Variants in GALNTL6 observed in about 807,000 individuals in gnomAD.
GALNTL6 encodes the protein polypeptide N-acetylgalactosaminyltransferase like 6, also known as polypeptide N-acetylgalactosaminyltransferase-like 6.
A neutral mutation model predicts 73.7 loss-of-function variants in GALNTL6; 46 were observed. That is an observed-to-expected ratio of 0.62 (90% confidence interval 0.49 to 0.80). GALNTL6 has a LOEUF of 0.80. Among genes scored for constraint, GALNTL6 ranks in the 30% least tolerant of loss-of-function variants. The pLI, the probability that GALNTL6 is intolerant of heterozygous loss-of-function variation, is 0.00. For synonymous variants in GALNTL6, 259 were observed against 263.7 expected, an observed-to-expected ratio of 0.98 and a Z score of 0.17; for missense variants, 604 against 755.0, an observed-to-expected ratio of 0.80 and a Z score of 2.34.
Position 171,817,357 on chromosome 4 carries a change from T to G in GALNTL6, c.138+2639T>G, listed in dbSNP as rs187529159. ...AAAGGTTACAGGGAAATAATTTAAT[T>G]TATGGAAATTCAAAATTATGGAATG... On this transcript the variant is annotated intron_variant, in intron 2 of 12. Transcript: ENST00000506823. Among the ~76,000 whole-genome samples, 343 of 152,050 alleles carry G rather than the reference T, an allele frequency of 2.3e-3. 3 individuals carry two copies. The highest frequency in any genetic ancestry group is 4.9e-4 in the Non-Finnish European group (33 of 67,864).
intron 10 of GALNTL6, among the ~76,000 whole-genome samples, chr4:172,974,794 C>T (rs1750732584): frequency 6.6e-6 from 1 of 152,210 alleles, no homozygotes; most frequent in Non-Finnish European, 1.5e-5. Context: ...GCCAGGCATG[C>T]CGGCTGCAGC....
chr4:172,878,794 T>G (rs1361849771), intron 7 of GALNTL6, among the ~76,000 whole-genome samples: 12 of 151,806 alleles, frequency 7.9e-5, no homozygotes, highest in Admixed American at 7.9e-4. Flanking sequence ...ATAATCATAT[T>G]GAAAGTAAGT....
intron 5 of GALNTL6, among the ~76,000 whole-genome samples, chr4:172,484,715 T>A (rs1262568041): frequency 6.6e-6 from 1 of 152,168 alleles, no homozygotes; most frequent in East Asian, 1.9e-4. Flanking sequence ...GGTTTATTAG[T>A]GATTAAATAT....
intron 5 of GALNTL6, among the ~76,000 whole-genome samples, chr4:172,387,824 T>C (rs1015740128): frequency 2.6e-4 from 39 of 152,160 alleles, no homozygotes; most frequent in African/African-American, 9.2e-4. Flanking sequence ...TTACTGAACA[T>C]TGTTTTAACT....
chr4:172,451,575 C>T (rs1017407982), intron 5 of GALNTL6, among the ~76,000 whole-genome samples: 3 of 152,098 alleles, frequency 2.0e-5, no homozygotes, highest in Non-Finnish European at 4.4e-5. Context: ...ACTTCTTCAG[C>T]TTATACAGAT....
chr4:172,054,172 T>C (rs1730955720), intron 2 of GALNTL6, among the ~76,000 whole-genome samples: 2 of 151,478 alleles, frequency 1.3e-5, no homozygotes, highest in Non-Finnish European at 3.0e-5. Flanking sequence ...TTAATTTTTC[T>C]ATTAATATTA....
chr4:171,836,435 T>TA (rs1405946024), intron 2 of GALNTL6, among the ~76,000 whole-genome samples: 1 of 151,956 alleles, frequency 6.6e-6, no homozygotes, highest in African/African-American at 2.4e-5. Context: ...CTTTAGACAA[T>TA]AAAAAGATAT....
At position 172,206,808 on chromosome 4, in the gene GALNTL6, TTTTTTGTTTG is replaced by T. The variant is rs1471943694; in HGVS notation, c.139-22842_139-22833del. The stretch of plus-strand genomic sequence containing the variant: ...TTTTGTTTTGTTTTGTTTTTCTGTT[TTTTTTGTTTG>T]TTTTTTTTTTTTTTTTTGAGACGGA... On this transcript the variant is annotated intron_variant, in intron 2 of 12. Coordinates refer to ENST00000506823, the MANE Select transcript of GALNTL6 (RefSeq NM_001034845.3). 4.0e-3 allele frequency among the ~76,000 whole-genome samples: 150 copies of T among 37,210 alleles called. 13 individuals carry two copies. Among genetic ancestry groups the T allele is most frequent in the African/African-American group, 9.6e-3 (142 of 14,794 alleles). 24.4% of individuals were successfully genotyped at this position (37,210 alleles called of 152,430 possible).
chr4:172,795,494 A>G (rs1740213731), intron 5 of GALNTL6, among the ~76,000 whole-genome samples: 1 of 152,190 alleles, frequency 6.6e-6, no homozygotes, highest in South Asian at 2.1e-4. Context: ...TCTGACTTCC[A>G]TAGCAAATGA....
intron 9 of GALNTL6, among the ~76,000 whole-genome samples, chr4:172,937,267 T>C (rs1013338083): frequency 6.6e-6 from 1 of 152,146 alleles, no homozygotes; most frequent in African/African-American, 2.4e-5. Flanking sequence ...AAATTAACAT[T>C]TCGAATGCAA....
At chr4:172,535,032 A>G (rs2110857298) in intron 5 of GALNTL6, among the ~76,000 whole-genome samples, 1 of 152,352 alleles carries the variant, frequency 6.6e-6, no homozygotes, top group Non-Finnish European at 1.5e-5. Context: ...TTTAGAAGAC[A>G]AGAGCTAAAC....
chr4:172,849,669 AT>A (rs1743710382), intron 7 of GALNTL6, among the ~76,000 whole-genome samples: 2 of 152,202 alleles, frequency 1.3e-5, no homozygotes, highest in South Asian at 4.1e-4. Flanking sequence ...TTTCCCCCAA[AT>A]AAGACACTTT....
rs754253336 is a variant in GALNTL6 at position 172,393,402 on chromosome 4, A to AACTACCC, written c.553+44714_553+44720dup. On this transcript the variant is annotated intron_variant, in intron 5 of 12. Transcript: ENST00000506823. Reference sequence around the variant, plus strand: ...TCAAGCTTCTCTGCAGCTCTAGCATAACTACCCTCAGGCCAAATTTGCCAT... The same window carrying AACTACCC: ...TCAAGCTTCTCTGCAGCTCTAGCATAACTACCCACTACCCTCAGGCCAAATTTGCCAT... Among the ~76,000 whole-genome samples the AACTACCC allele has an allele frequency of 2.0e-4, 30 of 152,276 alleles. 1 individual carries two copies. The highest frequency in any genetic ancestry group is 5.2e-4 in the Admixed American group (8 of 15,292).
Position 171,924,111 on chromosome 4 carries a change from G to C in GALNTL6, c.138+109393G>C, listed in dbSNP as rs142063142. On this transcript the variant is annotated intron_variant, in intron 2 of 12. Transcript: ENST00000506823. Reference sequence around the variant, plus strand: ...TAGCAGTAGAAAAAATAGGCAAAATGGTCCCTGCTCTGGCCTCTGGGAATA... The same window carrying C: ...TAGCAGTAGAAAAAATAGGCAAAATCGTCCCTGCTCTGGCCTCTGGGAATA... Among the ~76,000 whole-genome samples the C allele has an allele frequency of 3.7e-4, 56 of 150,914 alleles. 1 individual carries two copies. In the South Asian group the frequency reaches 0.012, roughly 32 times the overall value.
At chr4:172,176,339 A>AAAAAAAAAAAAAAAAAAAAAAC (rs1734997862) in intron 2 of GALNTL6, among the ~76,000 whole-genome samples, 1 of 147,362 alleles carries the variant, frequency 6.8e-6, no homozygotes, top group Non-Finnish European at 1.5e-5. Flanking sequence ...CTCCGTCTCA[A>AAAAAAAAAAAAAAAAAAAAAAC]AAAAAAAAAA....
intron 5 of GALNTL6, among the ~76,000 whole-genome samples, chr4:172,628,270 CTT>C (rs1402644275): frequency 6.6e-6 from 1 of 152,064 alleles, no homozygotes; most frequent in Non-Finnish European, 1.5e-5. Context: ...CTGATAACAT[CTT>C]GTCTGTTAGT....
At chr4:172,284,030 C>A (rs1292564746) in intron 3 of GALNTL6, among the ~76,000 whole-genome samples, 1 of 152,052 alleles carries the variant, frequency 6.6e-6, no homozygotes, top group South Asian at 2.1e-4. Context: ...CTAAATCAAT[C>A]TTTGGAAAAT....
intron 5 of GALNTL6, among the ~76,000 whole-genome samples, chr4:172,415,002 T>G (rs1744575447): frequency 6.6e-6 from 1 of 152,210 alleles, no homozygotes; most frequent in Non-Finnish European, 1.5e-5. Context: ...TCTTTTAATT[T>G]AGGCTTGTTG....
chr4:172,065,754 C>T (rs977282412), intron 2 of GALNTL6, among the ~76,000 whole-genome samples: 7 of 152,162 alleles, frequency 4.6e-5, no homozygotes, highest in African/African-American at 1.7e-4. Context: ...ATTCACGGTT[C>T]CGCAAGGCTG....
Sources: gnomAD v4.1 joint callset for allele counts (sites outside exome capture counted in the v4.1 genomes callset) on GRCh38, gnomAD v4.1.1 for gene constraint, MANE v1.5 for transcripts, NCBI Gene and HGNC (gene_info 2026-07-23, HGNC 2026-07-21) for gene names.